The following FBXO10 variants were observed in gnomAD, a reference collection of about 807,000 sequenced individuals.
FBXO10 encodes the protein F-box protein 10, also known as F-box only protein 10.
Under a neutral mutation model 80.7 loss-of-function variants are expected in FBXO10, and 39 were observed. The ratio of observed to expected loss-of-function variants is 0.48; its 90% CI spans 0.37 to 0.63. The LOEUF is 0.63. Among genes scored for constraint, FBXO10 ranks in the 30% least tolerant of loss-of-function variants. The pLI, the probability that FBXO10 is intolerant of heterozygous loss-of-function variation, is 0.00. For synonymous variants in FBXO10, 449 were observed against 489.6 expected (o/e 0.92, Z 1.09); for missense variants, 1,025 against 1,269.0 (o/e 0.81, Z 2.92).
At chr9:37,517,143 A>G (rs528819703) in intron 9 of FBXO10, among the ~76,000 whole-genome samples, 2 of 152,290 alleles carry the variant, frequency 1.3e-5, no homozygotes, top group Admixed American at 1.3e-4. Flanking sequence ...CACTACTTAT[A>G]AGTGGGAGCT....
Position 37,522,346 on chromosome 9 carries a change from T to TG in FBXO10, c.1930+478dup. 10 of 1,000,216 alleles carry TG rather than the reference T, an allele frequency of 1.0e-5. No individual in the cohort carries two copies. The South Asian group carries it at 4.5e-4, about 45-fold the overall frequency. 62.0% of individuals were successfully genotyped at this position (1,000,216 alleles called of 1,614,324 possible). On this transcript the variant is annotated intron_variant, in intron 7 of 10. Transcript: ENST00000432825. ...GCATAGAAAGGGCTGAGTAGAGAGG[T>TG]GGGCCTGAGTCATCTTTATTATTAT...
At chr9:37,558,202 A>G (rs1001363453) in intron 1 of FBXO10, among the ~76,000 whole-genome samples, 1 of 152,206 alleles carries the variant, frequency 6.6e-6, no homozygotes. Flanking sequence ...ATCAGCTAAC[A>G]CTAAAGGAAC....
At position 37,558,246 on chromosome 9, in the gene FBXO10, C is replaced by T. The variant is rs115349123; in HGVS notation, c.-6-16472G>A. 4.3e-3 allele frequency among the ~76,000 whole-genome samples: 657 copies of T among 152,308 alleles called. 6 individuals carry two copies. Among genetic ancestry groups the T allele is most frequent in the African/African-American group, 0.015 (626 of 41,566 alleles). On this transcript the variant is annotated intron_variant, in intron 1 of 10. Coordinates refer to ENST00000432825, the MANE Select transcript of FBXO10 (RefSeq NM_012166.3). Reference sequence around the variant, plus strand: ...TACCACCTTCCAGGTGAGAGGCTTCCATATGGTCTTTTGCAGGACTTTCCA... The same window carrying T: ...TACCACCTTCCAGGTGAGAGGCTTCTATATGGTCTTTTGCAGGACTTTCCA...
chr9:37,566,286 T>C (rs1356501017), intron 1 of FBXO10, among the ~76,000 whole-genome samples: 2 of 152,000 alleles, frequency 1.3e-5, no homozygotes, highest in Non-Finnish European at 2.9e-5. Context: ...GTGTTGGAAT[T>C]TAGTTTCTAA....
At chr9:37,520,897 A>T (rs10973393) in intron 8 of FBXO10, among the ~76,000 whole-genome samples, 2 of 152,086 alleles carry the variant, frequency 1.3e-5, no homozygotes, top group African/African-American at 2.4e-5. Context: ...TCTCAAGTTC[A>T]TGGCCTATCA....
rs1821074824 is a variant in FBXO10 at position 37,512,245 on chromosome 9, A to G, written c.*302T>C. The G allele has an allele frequency of 3.9e-6, 1 of 257,596 alleles. No individual in the cohort carries two copies. The highest frequency in any genetic ancestry group is 1.1e-3 in the Middle Eastern group (1 of 882). 16.0% of individuals were successfully genotyped at this position (257,596 alleles called of 1,614,324 possible). A position where few individuals can be genotyped will look rare whatever the true frequency, so the allele number is the denominator to read the frequency against. On this transcript the variant is annotated 3_prime_UTR_variant, in exon 11 of 11. Coordinates refer to ENST00000432825, the MANE Select transcript of FBXO10 (RefSeq NM_012166.3). ...GTGTGTGTAAAACACAGTTCCTTAG[A>G]ACTCAGAGAAAATCCTGACCAAAAG...
At chr9:37,571,315 C>T (rs1822750729) in intron 1 of FBXO10, among the ~76,000 whole-genome samples, 1 of 152,160 alleles carries the variant, frequency 6.6e-6, no homozygotes, top group African/African-American at 2.4e-5. Context: ...ACTAATCTTC[C>T]TCTTATAAGT....
chr9:37,524,778 G>A (rs7041752), intron 6 of FBXO10, among the ~76,000 whole-genome samples: 83,121 of 151,980 alleles, frequency 0.55, 25,175 homozygotes, highest in Middle Eastern at 0.69. Context: ...GAGGTTTCCA[G>A]AGCAGGCAGA....
At chr9:37,557,724 G>A (rs925824561) in intron 1 of FBXO10, among the ~76,000 whole-genome samples, 3 of 152,058 alleles carry the variant, frequency 2.0e-5, no homozygotes, top group African/African-American at 4.8e-5. Flanking sequence ...GTCCCCACAT[G>A]GTTTACATTT....
rs1303985621 is a variant in FBXO10 at position 37,518,320 on chromosome 9, G to C, written c.2319C>G (p.Asn773Lys). The change falls in exon 9 of 11, where the codon AAC becomes AAG. Residue 773 changes from asparagine (N) to lysine (K), a missense_variant. Physicochemically the swap from Asn to Lys is moderately conservative, Grantham distance 94 (BLOSUM62 0). Around this residue, in one of 3 missense-constraint regions of FBXO10, gnomAD observed 478 missense variants for 667.8 expected, o/e 0.72. Transcript: ENST00000432825. ...TTTGCCGGTTGCAGGAGATGCTGTT[G>C]TTGGCCACTCGGGTGGGTTGGCTGC... ...AQSSQPTRVA[N>K]NSISCNRQSG... 10 of 1,613,962 alleles carry C rather than the reference G, an allele frequency of 6.2e-6. No individual in the cohort carries two copies. The highest frequency in any genetic ancestry group is 3.3e-5 in the Admixed American group (2 of 60,014).
Position 37,537,076 on chromosome 9 carries a change from G to A in FBXO10, c.1419+34C>T, listed in dbSNP as rs1201011105. ...AAACCCTTCCTACATATAGCCACAG[G>A]AGCCCCCTGACCAATCTAAAGTCAT... On this transcript the variant is annotated intron_variant, in intron 3 of 10. Transcript: ENST00000432825. 1.2e-5 allele frequency: 18 copies of A among 1,514,172 alleles called. No homozygotes were observed. In the South Asian group the frequency reaches 1.4e-4, roughly 12 times the overall value. The allele number at this position is 1,514,172 out of a possible 1,614,324, so 93.8% of individuals were successfully genotyped here. A position where few individuals can be genotyped will look rare whatever the true frequency, so the allele number is the denominator to read the frequency against.
intron 1 of FBXO10, among the ~76,000 whole-genome samples, chr9:37,542,125 G>A (rs1304266775): frequency 7.3e-5 from 11 of 150,096 alleles, no homozygotes; most frequent in African/African-American, 2.4e-4. Flanking sequence ...CACCACACCC[G>A]GCCTCCAGTC....
chr9:37,551,212 G>C (rs778842710), intron 1 of FBXO10, among the ~76,000 whole-genome samples: 1 of 152,220 alleles, frequency 6.6e-6, no homozygotes, highest in Non-Finnish European at 1.5e-5. Flanking sequence ...ACAACGTGTT[G>C]GGGGCTGGGT....
At chr9:37,565,211 A>G (rs1822573535) in intron 1 of FBXO10, among the ~76,000 whole-genome samples, 1 of 152,154 alleles carries the variant, frequency 6.6e-6, no homozygotes, top group African/African-American at 2.4e-5. Context: ...AGGCCTCCCC[A>G]GCCATGTGGA....
chr9:37,556,873 A>G (rs1822349922), intron 1 of FBXO10, among the ~76,000 whole-genome samples: 1 of 152,138 alleles, frequency 6.6e-6, no homozygotes, highest in African/African-American at 2.4e-5. Context: ...GGAATATGTC[A>G]AAACCACAAT....
chr9:37,560,233 A>G (rs1822443941), intron 1 of FBXO10, among the ~76,000 whole-genome samples: 1 of 152,196 alleles, frequency 6.6e-6, no homozygotes, highest in South Asian at 2.1e-4. Flanking sequence ...CAATTTTGCA[A>G]ATATTAATTG....
chr9:37,566,961 T>C (rs1440560189), intron 1 of FBXO10, among the ~76,000 whole-genome samples: 1 of 152,120 alleles, frequency 6.6e-6, no homozygotes, highest in East Asian at 1.9e-4. Context: ...CTCCTTTCAA[T>C]GCACTGCCTG....
intron 3 of FBXO10, among the ~76,000 whole-genome samples, chr9:37,535,105 G>A (rs1433558780): frequency 2.0e-5 from 3 of 152,148 alleles, no homozygotes; most frequent in Admixed American, 6.5e-5. Context: ...AAACTAGCAC[G>A]AGGTAATGCT....
At chr9:37,531,775 C>T (rs551435223) in intron 4 of FBXO10, 134 bp downstream of exon 4, 25 of 834,660 alleles carry the variant, frequency 3.0e-5, no homozygotes, top group African/African-American at 1.7e-4. Context: ...CACAAGGACA[C>T]GCAGAGGACA....
Sources: allele counts gnomAD v4.1 joint callset (sites outside exome capture counted in the v4.1 genomes callset), GRCh38; gene constraint gnomAD v4.1.1; regional missense constraint gnomAD v4.1.1; transcripts MANE v1.5; gene names NCBI Gene and HGNC (gene_info 2026-07-23, HGNC 2026-07-21).